The following STX3 variants were observed in gnomAD, a reference collection of about 807,000 sequenced individuals.
STX3 encodes syntaxin 3.
STX3 carries 19 observed loss-of-function variants against 40.2 expected under a neutral mutation model. That is an observed-to-expected ratio of 0.47 (90% CI 0.33 to 0.69). STX3 has a LOEUF of 0.69. STX3 is among the 30% of genes least tolerant of loss of function. STX3 has a pLI of 0.02. For synonymous variants in STX3, 122 were observed against 132.2 expected (o/e 0.92, Z 0.53); for missense variants, 364 against 366.7 (o/e 0.99, Z 0.06).
chr11:59,778,458 A>G (rs1331838245), intron 2 of STX3, among the ~76,000 whole-genome samples: 1 of 152,184 alleles, frequency 6.6e-6, no homozygotes, highest in Non-Finnish European at 1.5e-5. Context: ...CAGGATTGCC[A>G]GGATTGCCAT....
At chr11:59,757,647 C>T (rs907394100) in intron 1 of STX3, among the ~76,000 whole-genome samples, 1 of 152,170 alleles carries the variant, frequency 6.6e-6, no homozygotes, top group Admixed American at 6.5e-5. Context: ...TCTGAAATCA[C>T]AGGGTGGCTT....
intron 2 of STX3, among the ~76,000 whole-genome samples, chr11:59,776,172 A>G (rs1863953475): frequency 6.6e-6 from 1 of 152,116 alleles, no homozygotes; most frequent in Admixed American, 6.6e-5. Context: ...AGTAAGAGGG[A>G]GTGGATCAAG....
rs565374444 is a variant in STX3, at chr11:59,755,380, T to C, written c.-226T>C. 4.8e-4 allele frequency: 174 copies of C among 360,260 alleles called. No individual in the cohort carries two copies. Among genetic ancestry groups the C allele is most frequent in the South Asian group, 4.1e-3 (32 of 7,732 alleles). The allele number at this position is 360,260 out of a possible 1,614,324, so 22.3% of individuals were successfully genotyped here. On this transcript the variant is annotated 5_prime_UTR_variant, in exon 1 of 11. Transcript: ENST00000337979. Reference sequence around the variant, plus strand: ...GCCGGCGCCGGCCCGGGAGCCGGATTTGGAGCGCGAGGCGCCGGTGGGGGC... The same window carrying C: ...GCCGGCGCCGGCCCGGGAGCCGGATCTGGAGCGCGAGGCGCCGGTGGGGGC...
At chr11:59,795,289 G>A (rs1590825792) in intron 8 of STX3, 83 bp from the exon 9 acceptor site, 2 of 1,166,892 alleles carry the variant, frequency 1.7e-6, no homozygotes, top group Non-Finnish European at 2.5e-6. Flanking sequence ...ACTGAAGATT[G>A]TAAGAAAGAG....
chr11:59,798,209 GGT>G (rs150353142), intron 10 of STX3, among the ~76,000 whole-genome samples: 15,183 of 150,926 alleles, frequency 0.1, 956 homozygotes, highest in African/African-American at 0.19. Flanking sequence ...CTGAATCACT[GGT>G]TTTTTTTTTT....
chr11:59,778,225 A>C (rs1040954017), intron 2 of STX3, among the ~76,000 whole-genome samples: 2 of 152,136 alleles, frequency 1.3e-5, no homozygotes, highest in African/African-American at 4.8e-5. Flanking sequence ...GTGTTTTGAA[A>C]CCACCAGAGT....
Position 59,774,830 on chromosome 11 carries a change from C to G in STX3, c.114+1536C>G, listed in dbSNP as rs548624632. Among the ~76,000 whole-genome samples, 9 of 150,254 alleles carry G rather than the reference C, an allele frequency of 6.0e-5. 1 individual carries two copies. The South Asian group carries it at 1.9e-3, about 31-fold the overall frequency. ...TGGGTGACAGCGGTAGACTCCGTCT[C>G]AAAAACAAACAACAACAACAAAAAC... On this transcript the variant is annotated intron_variant, in intron 2 of 10. Coordinates refer to ENST00000337979, the MANE Select transcript of STX3 (RefSeq NM_004177.5).
chr11:59,793,549 G>A, intron 8 of STX3, 35 bp downstream of exon 8: 1 of 1,600,242 alleles, frequency 6.2e-7, no homozygotes, highest in Non-Finnish European at 8.5e-7. Flanking sequence ...GGGGAGGGAG[G>A]AGAGGAAAGC....
rs1864827031 is a variant in STX3 at position 59,787,078 on chromosome 11, T to C, written c.156T>C (p.His52=). 4.3e-6 allele frequency: 7 copies of C among 1,614,058 alleles called. No individual in the cohort carries two copies. The highest frequency in any genetic ancestry group is 5.9e-6 in the Non-Finnish European group (7 of 1,180,030). Residue 52 remains histidine (H), a synonymous_variant, in exon 3 of 11, where the codon CAT becomes CAC. Coordinates refer to ENST00000337979, the MANE Select transcript of STX3 (RefSeq NM_004177.5). ...TRLNIDKISE[H]VEEAKKLYSI... ...TTAACATTGACAAGATCTCAGAACATGTAGAGGAGGCTAAGAAACTCTACA... is the reference window on the plus strand; with the variant it reads ...TTAACATTGACAAGATCTCAGAACACGTAGAGGAGGCTAAGAAACTCTACA...
In STX3 at chr11:59,795,478, G is replaced by A. The variant is rs1471108275; in HGVS notation, c.782G>A (p.Arg261Gln). Residue 261 changes from arginine to glutamine, a missense_variant, in exon 9 of 11, where the codon CGG becomes CAG. By Grantham distance (43) the Arg-to-Gln change is conservative (BLOSUM62 1). Coordinates refer to ENST00000337979, the MANE Select transcript of STX3 (RefSeq NM_004177.5). ...KKAVKYQSQA[R>Q]KKLIIIIVLV... ...GCTGTGAAATACCAGAGTCAGGCCC[G>A]GAAGGTGAGACTCTCCTGTGGCCTT... 5.0e-6 allele frequency: 8 copies of A among 1,610,214 alleles called. No individual in the cohort carries two copies. Among genetic ancestry groups the A allele is most frequent in the Non-Finnish European group, 6.8e-6 (8 of 1,178,338 alleles).
chr11:59,761,647 T>C (rs1238726179), intron 1 of STX3, among the ~76,000 whole-genome samples: 1 of 151,994 alleles, frequency 6.6e-6, no homozygotes, highest in East Asian at 1.9e-4. Context: ...CCCCATCTCC[T>C]CTCTCAGGGT....
chr11:59,756,738 T>G (rs1862736721), intron 1 of STX3, among the ~76,000 whole-genome samples: 1 of 152,122 alleles, frequency 6.6e-6, no homozygotes, highest in South Asian at 2.1e-4. Context: ...CCAGCCTAAG[T>G]TTTGTCATTT....
intron 2 of STX3, among the ~76,000 whole-genome samples, chr11:59,775,027 C>G (rs1863881106): frequency 6.6e-6 from 1 of 152,196 alleles, no homozygotes; most frequent in East Asian, 1.9e-4. Context: ...GTATCGTGCT[C>G]TTTTTGCAGA....
chr11:59,789,251 CTCTT>C (rs1864965088), intron 4 of STX3: 1 of 248,146 alleles, frequency 4.0e-6, no homozygotes, highest in African/African-American at 2.4e-5. Context: ...CAACTTGTCT[CTCTT>C]TTTTTTTTTT....
chr11:59,775,302 G>A (rs940575239), intron 2 of STX3, among the ~76,000 whole-genome samples: 1 of 152,338 alleles, frequency 6.6e-6, no homozygotes, highest in East Asian at 1.9e-4. Flanking sequence ...TGTGAGTCCA[G>A]TGTTACTCCA....
At chr11:59,789,494 G>A (rs566523316) in intron 4 of STX3, among the ~76,000 whole-genome samples, 1 of 151,402 alleles carries the variant, frequency 6.6e-6, no homozygotes, top group Admixed American at 6.6e-5. Flanking sequence ...AGGCCAGAAG[G>A]CAGTGGCTCA....
chr11:59,787,231 G>A, intron 3 of STX3, 95 bp downstream of exon 3: 1 of 1,071,780 alleles, frequency 9.3e-7, no homozygotes, highest in Non-Finnish European at 1.4e-6. Context: ...CAGTAGGGAA[G>A]TGTACAAGTT....
At chr11:59,786,080 C>T (rs1864750420) in intron 2 of STX3, among the ~76,000 whole-genome samples, 1 of 152,120 alleles carries the variant, frequency 6.6e-6, no homozygotes, top group African/African-American at 2.4e-5. Flanking sequence ...TAGAAATATG[C>T]AGAAATGGGC....
chr11:59,776,732 T>C (rs17154142), intron 2 of STX3, among the ~76,000 whole-genome samples: 7,331 of 152,320 alleles, frequency 0.048, 372 homozygotes, highest in African/African-American at 0.12. Context: ...TTTCAGAATG[T>C]GATTTGCACT....
Sources: allele counts gnomAD v4.1 joint callset (sites outside exome capture counted in the v4.1 genomes callset), GRCh38; gene constraint gnomAD v4.1.1; transcripts MANE v1.5; gene names NCBI Gene and HGNC (gene_info 2026-07-23, HGNC 2026-07-21).